ZSWIM6: variants seen among roughly 807,000 people sequenced by gnomAD.
The protein encoded by ZSWIM6 is zinc finger SWIM-type containing 6, also known as zinc finger SWIM domain-containing protein 6.
ZSWIM6 carries 9 observed loss-of-function variants against 113.2 expected under a neutral mutation model. The observed-to-expected ratio is 0.08, with a 90% CI of 0.05 to 0.14. ZSWIM6 has a LOEUF of 0.14. ZSWIM6 is among the 10% of genes least tolerant of loss of function. ZSWIM6 has a pLI of 1.00. For synonymous variants in ZSWIM6, 611 were observed against 606.5 expected (o/e 1.01, Z -0.11); for missense variants, 1,162 against 1,552.2 (o/e 0.75, Z 4.22).
intron 1 of ZSWIM6, among the ~76,000 whole-genome samples, chr5:61,449,516 T>G (rs749956616): frequency 3.9e-5 from 6 of 152,208 alleles, no homozygotes; most frequent in Non-Finnish European, 5.9e-5. Context: ...AGATGCACGC[T>G]ATTGTACCCA....
At chr5:61,382,924 C>T (rs145412243) in intron 1 of ZSWIM6, among the ~76,000 whole-genome samples, 2 of 152,106 alleles carry the variant, frequency 1.3e-5, no homozygotes, top group Admixed American at 6.6e-5. Context: ...ACAGAATGTC[C>T]GCAAAGTCAG....
At chr5:61,381,901 A>G (rs1408823295) in intron 1 of ZSWIM6, among the ~76,000 whole-genome samples, 1 of 152,264 alleles carries the variant, frequency 6.6e-6, no homozygotes, top group Non-Finnish European at 1.5e-5. Context: ...ATGTGGAAGT[A>G]GAATGCATAT....
intron 1 of ZSWIM6, among the ~76,000 whole-genome samples, chr5:61,458,665 G>A (rs1747261030): frequency 6.6e-6 from 1 of 151,996 alleles, no homozygotes; most frequent in Non-Finnish European, 1.5e-5. Flanking sequence ...ATCACTTGAG[G>A]TCAGGAGTTG....
intron 1 of ZSWIM6, among the ~76,000 whole-genome samples, chr5:61,427,806 T>C (rs77290189): frequency 0.14 from 21,534 of 152,196 alleles, 1,634 homozygotes; most frequent in Non-Finnish European, 0.17. Flanking sequence ...AATCTATGGT[T>C]GGTTGAATCT....
chr5:61,433,014 A>G (rs75224865), intron 1 of ZSWIM6, among the ~76,000 whole-genome samples: 23,229 of 152,166 alleles, frequency 0.15, 1,877 homozygotes, highest in Non-Finnish European at 0.17. Context: ...TCTTCGGAAC[A>G]TGAAAAAGGA....
chr5:61,396,077 G>A (rs1047105869), intron 1 of ZSWIM6, among the ~76,000 whole-genome samples: 1 of 152,072 alleles, frequency 6.6e-6, no homozygotes, highest in Admixed American at 6.6e-5. Flanking sequence ...CGTGATCTTG[G>A]GCAGGGCGAA....
chr5:61,499,059 GCTT>G (rs1440864087), intron 4 of ZSWIM6, among the ~76,000 whole-genome samples: 1 of 152,104 alleles, frequency 6.6e-6, no homozygotes, highest in Non-Finnish European at 1.5e-5. Flanking sequence ...AGGAGCAACT[GCTT>G]CTTTTTGAGA....
intron 11 of ZSWIM6, among the ~76,000 whole-genome samples, chr5:61,539,305 G>C (rs1208093759): frequency 6.6e-6 from 1 of 152,192 alleles, no homozygotes; most frequent in African/African-American, 2.4e-5. Context: ...GAGAGCTGTT[G>C]CTGTCTCATG....
At chr5:61,431,022 A>C (rs951353027) in intron 1 of ZSWIM6, among the ~76,000 whole-genome samples, 1 of 152,220 alleles carries the variant, frequency 6.6e-6, no homozygotes, top group Non-Finnish European at 1.5e-5. Flanking sequence ...TTGGGGCAGA[A>C]GGGATATGTA....
intron 1 of ZSWIM6, among the ~76,000 whole-genome samples, chr5:61,447,256 AAAGTC>A (rs1272649551): frequency 6.6e-6 from 1 of 152,176 alleles, no homozygotes; most frequent in African/African-American, 2.4e-5. Context: ...GTATTAAAAA[AAAGTC>A]AGTTTATCAA....
At chr5:61,467,666 TC>T (rs1243929142) in intron 1 of ZSWIM6, among the ~76,000 whole-genome samples, 1 of 152,204 alleles carries the variant, frequency 6.6e-6, no homozygotes, top group Non-Finnish European at 1.5e-5. Flanking sequence ...GAAAAGATTC[TC>T]CCCTAATACT....
chr5:61,438,717 G>A (rs370574936), intron 1 of ZSWIM6, among the ~76,000 whole-genome samples: 46 of 152,264 alleles, frequency 3.0e-4, no homozygotes, highest in African/African-American at 1.1e-3. Context: ...AAAATAGTAC[G>A]CTTTCTCTGC....
chr5:61,401,121 T>C (rs1180173041), intron 1 of ZSWIM6, among the ~76,000 whole-genome samples: 1 of 152,192 alleles, frequency 6.6e-6, no homozygotes, highest in East Asian at 1.9e-4. Context: ...TTAGCTTTTG[T>C]GTTAGTGGTC....
intron 5 of ZSWIM6, among the ~76,000 whole-genome samples, chr5:61,524,652 G>A (rs1749231586): frequency 6.6e-6 from 1 of 152,168 alleles, no homozygotes; most frequent in Non-Finnish European, 1.5e-5. Flanking sequence ...TCTCAATTCA[G>A]TTGTCCTTTG....
At chr5:61,461,776 T>A (rs1001906487) in intron 1 of ZSWIM6, among the ~76,000 whole-genome samples, 3 of 152,070 alleles carry the variant, frequency 2.0e-5, no homozygotes, top group Non-Finnish European at 4.4e-5. Flanking sequence ...TTGTAGAAAT[T>A]TCAGGAAAAA....
intron 1 of ZSWIM6, among the ~76,000 whole-genome samples, chr5:61,428,076 G>T (rs555471429): frequency 6.6e-6 from 1 of 152,156 alleles, no homozygotes; most frequent in East Asian, 1.9e-4. Context: ...ATGCCCATTA[G>T]ATCTCAACAT....
chr5:61,391,398 T>C, intron 1 of ZSWIM6: 1 of 896,224 alleles, frequency 1.1e-6, no homozygotes, highest in Non-Finnish European at 1.9e-6. Context: ...TGCAGATGAC[T>C]TGGCGGTACT....
chr5:61,357,629 C>T (rs922649455), intron 1 of ZSWIM6, among the ~76,000 whole-genome samples: 1 of 151,532 alleles, frequency 6.6e-6, no homozygotes, highest in African/African-American at 2.4e-5. Flanking sequence ...AGATATAGAG[C>T]TCTCAGAGTG....
chr5:61,372,944 C>A (rs748739819), intron 1 of ZSWIM6, among the ~76,000 whole-genome samples: 32 of 151,814 alleles, frequency 2.1e-4, no homozygotes, highest in Non-Finnish European at 4.0e-4. Context: ...AGGAACATTT[C>A]TTAAAAAATT....
Sources: allele counts gnomAD v4.1 joint callset (sites outside exome capture counted in the v4.1 genomes callset), GRCh38; gene constraint gnomAD v4.1.1; transcripts MANE v1.5; gene names NCBI Gene and HGNC (gene_info 2026-07-23, HGNC 2026-07-21).